The following ERBB4 variants were observed in gnomAD, a reference collection of about 807,000 sequenced individuals.
ERBB4 encodes receptor tyrosine-protein kinase erbB-4.
ERBB4 carries 42 observed loss-of-function variants against 158.0 expected under a neutral mutation model. The observed-to-expected ratio is 0.27, with a 90% CI of 0.21 to 0.34. The LOEUF is 0.34. Among genes scored for constraint, ERBB4 ranks in the 10% least tolerant of loss-of-function variants. The probability of loss-of-function intolerance (pLI) is 1.00; values close to 1 mark genes in which losing one functional copy is unlikely to be tolerated. For synonymous variants in ERBB4, 583 were observed against 558.7 expected (o/e 1.04, Z -0.61); for missense variants, 1,333 against 1,624.1 (o/e 0.82, Z 3.08).
At chr2:212,311,262 G>A (rs187928613) in intron 1 of ERBB4, among the ~76,000 whole-genome samples, 1 of 150,878 alleles carries the variant, frequency 6.6e-6, no homozygotes, top group Admixed American at 6.6e-5. Context: ...GGCAGAATAT[G>A]TAATAAATGA....
chr2:211,911,822 T>C (rs77094807), intron 3 of ERBB4, among the ~76,000 whole-genome samples: 1 of 94,324 alleles, frequency 1.1e-5, no homozygotes, highest in African/African-American at 5.8e-5. Flanking sequence ...TATTCTTTTC[T>C]TTTTTTTTTT....
chr2:211,849,582 T>A (rs1001888943), intron 3 of ERBB4, among the ~76,000 whole-genome samples: 1 of 151,952 alleles, frequency 6.6e-6, no homozygotes, highest in African/African-American at 2.4e-5. Flanking sequence ...TATGCCCAGA[T>A]CCTTTATAGA....
chr2:212,206,589 C>CTTTTTTTTTTT lies in ERBB4; in HGVS notation c.83-81697_83-81687dup, dbSNP rs5838309. Among the ~76,000 whole-genome samples, 217 of 116,388 alleles carry CTTTTTTTTTTT rather than the reference C, an allele frequency of 1.9e-3. 22 individuals carry two copies. Among genetic ancestry groups the CTTTTTTTTTTT allele is most frequent in the Non-Finnish European group, 2.8e-3 (159 of 55,862 alleles). 76.4% of individuals were successfully genotyped at this position (116,388 alleles called of 152,430 possible). A position where few individuals can be genotyped will look rare whatever the true frequency, so the allele number is the denominator to read the frequency against. ...ATGAACTGTCTCCGTCTGTTCTGTT[C>CTTTTTTTTTTT]TTTTTTTTTTTTTTTTGAGACGGAG... On this transcript the variant is annotated intron_variant, in intron 1 of 27. Coordinates refer to ENST00000342788, the MANE Select transcript of ERBB4 (RefSeq NM_005235.3).
chr2:211,517,503 T>TA (rs1178396565), intron 20 of ERBB4, among the ~76,000 whole-genome samples: 5 of 152,086 alleles, frequency 3.3e-5, no homozygotes, highest in African/African-American at 1.2e-4. Context: ...TGTTACAAAC[T>TA]AAAAAAAGAA....
intron 2 of ERBB4, among the ~76,000 whole-genome samples, chr2:211,956,602 T>C (rs2081042091): frequency 6.6e-6 from 1 of 152,078 alleles, no homozygotes; most frequent in Non-Finnish European, 1.5e-5. Context: ...TGCTCAAAAG[T>C]TGAATCAACA....
At chr2:212,231,173 A>G (rs1186710954) in intron 1 of ERBB4, among the ~76,000 whole-genome samples, 1 of 152,160 alleles carries the variant, frequency 6.6e-6, no homozygotes. Context: ...GTTACAGAAC[A>G]TCAGAGATAA....
intron 1 of ERBB4, among the ~76,000 whole-genome samples, chr2:212,335,384 T>C (rs371976366): frequency 6.6e-6 from 1 of 152,066 alleles, no homozygotes; most frequent in East Asian, 1.9e-4. Flanking sequence ...GGTTACAATA[T>C]GATATGGAAT....
intron 1 of ERBB4, among the ~76,000 whole-genome samples, chr2:212,382,137 A>G (rs1387433720): frequency 6.6e-6 from 1 of 150,566 alleles, no homozygotes. Flanking sequence ...ACACACATAA[A>G]TGTATATTAT....
intron 1 of ERBB4, among the ~76,000 whole-genome samples, chr2:212,537,563 C>G (rs1480322305): frequency 6.6e-6 from 1 of 152,084 alleles, no homozygotes. Context: ...GCGCACCCAT[C>G]GCCGCTGCCG....
intron 3 of ERBB4, among the ~76,000 whole-genome samples, chr2:211,838,160 G>A (rs1303777745): frequency 6.6e-6 from 1 of 152,048 alleles, no homozygotes; most frequent in African/African-American, 2.4e-5. Flanking sequence ...TCCATGTATT[G>A]CAACTTTCTG....
chr2:212,145,975 A>G (rs1268362899), intron 1 of ERBB4, among the ~76,000 whole-genome samples: 1 of 151,960 alleles, frequency 6.6e-6, no homozygotes, highest in Non-Finnish European at 1.5e-5. Flanking sequence ...CTGTCCCCCT[A>G]AGGGCCCAAA....
intron 22 of ERBB4, among the ~76,000 whole-genome samples, chr2:211,427,996 G>T (rs1340597147): frequency 6.6e-6 from 1 of 151,076 alleles, no homozygotes; most frequent in Non-Finnish European, 1.5e-5. Flanking sequence ...ATATTTTGTT[G>T]CTCTTCAATG....
rs1553558603 is a variant in ERBB4, at chr2:212,102,090, T to TATATATATATA, written c.234+22661_234+22662insTATATATATAT. On this transcript the variant is annotated intron_variant, in intron 2 of 27. Coordinates refer to ENST00000342788, the MANE Select transcript of ERBB4 (RefSeq NM_005235.3). The stretch of plus-strand genomic sequence containing the variant: ...AAATCATATACGTTGAAAATTTATT[T>TATATATATATA]TATATATATATATATATATATATGT... Among the ~76,000 whole-genome samples, 314 of 107,982 alleles carry TATATATATATA rather than the reference T, an allele frequency of 2.9e-3. 5 individuals carry two copies. The highest frequency in any genetic ancestry group is 6.8e-3 in the African/African-American group (233 of 34,160). 70.8% of individuals were successfully genotyped at this position (107,982 alleles called of 152,430 possible).
chr2:211,814,658 A>C (rs72948554), intron 3 of ERBB4, among the ~76,000 whole-genome samples: 1,530 of 152,286 alleles, frequency 0.01, 13 homozygotes, highest in Non-Finnish European at 0.015. Flanking sequence ...GTAAATTTAC[A>C]AAGAAAAGGG....
intron 3 of ERBB4, among the ~76,000 whole-genome samples, chr2:211,941,625 G>A (rs1309581182): frequency 6.6e-6 from 1 of 151,750 alleles, no homozygotes; most frequent in Non-Finnish European, 1.5e-5. Context: ...CTCTTCCTGA[G>A]AGTAGACAAA....
chr2:211,749,212 C>T (rs972578711), intron 5 of ERBB4, among the ~76,000 whole-genome samples: 1 of 152,140 alleles, frequency 6.6e-6, no homozygotes, highest in African/African-American at 2.4e-5. Flanking sequence ...ATTGATCCAA[C>T]CTCTATAGAA....
chr2:212,035,675 C>T (rs1028469071), intron 2 of ERBB4, among the ~76,000 whole-genome samples: 12 of 152,132 alleles, frequency 7.9e-5, no homozygotes, highest in Non-Finnish European at 1.3e-4. Context: ...ACTTTCCTCC[C>T]GCAAATGTTA....
At chr2:211,631,753 T>C (rs979118886) in intron 16 of ERBB4, among the ~76,000 whole-genome samples, 2 of 152,098 alleles carry the variant, frequency 1.3e-5, no homozygotes, top group African/African-American at 4.8e-5. Context: ...ACACAGGTGT[T>C]ACCTAAAAAA....
At chr2:212,163,593 C>G (rs1369776885) in intron 1 of ERBB4, among the ~76,000 whole-genome samples, 1 of 151,836 alleles carries the variant, frequency 6.6e-6, no homozygotes, top group African/African-American at 2.4e-5. Flanking sequence ...TTTACTGAGT[C>G]ATGTCAGCTA....
Sources: allele counts gnomAD v4.1 joint callset (sites outside exome capture counted in the v4.1 genomes callset), GRCh38; gene constraint gnomAD v4.1.1; transcripts MANE v1.5; gene names NCBI Gene and HGNC (gene_info 2026-07-23, HGNC 2026-07-21).